The following IFT80 variants were observed in gnomAD, a reference collection of about 807,000 sequenced individuals.
The protein encoded by IFT80 is intraflagellar transport protein 80 homolog.
In IFT80, 79 loss-of-function variants were observed where a neutral mutation model predicts 107.9. The observed-to-expected ratio is 0.73, with a 90% CI of 0.61 to 0.88. IFT80 has a LOEUF of 0.88. IFT80 is among the 40% of genes least tolerant of loss of function. The pLI is 0.00. For missense variants in IFT80, 797 were observed against 914.2 expected, an observed-to-expected ratio of 0.87 and a Z score of 1.65; for synonymous variants, 299 against 300.9, an observed-to-expected ratio of 0.99 and a Z score of 0.07.
intron 8 of IFT80, among the ~76,000 whole-genome samples, chr3:160,330,987 A>G (rs1203105535): frequency 1.3e-5 from 2 of 152,092 alleles, no homozygotes; most frequent in Non-Finnish European, 2.9e-5. Context: ...GAACAGATTT[A>G]TTTTTCCTCC....
At chr3:160,346,275 A>G (rs1035263383) in intron 8 of IFT80, among the ~76,000 whole-genome samples, 1 of 152,210 alleles carries the variant, frequency 6.6e-6, no homozygotes, top group Admixed American at 6.5e-5. Flanking sequence ...CACTACAAAA[A>G]ATGTTATGTA....
rs1715818934 is a variant in IFT80, at chr3:160,294,454, C to A, written c.1315+6429G>T. Among the ~76,000 whole-genome samples, 4 of 152,302 alleles carry A rather than the reference C, an allele frequency of 2.6e-5. No individual in the cohort carries two copies. The South Asian group carries it at 8.3e-4, about 32-fold the overall frequency. ...CAGGCTGGTCTCAAACTCCTGAGCT[C>A]AAGTGATCCACCCATCTTGGCCTCC... is the stretch of plus-strand genomic sequence containing the variant. On this transcript the variant is annotated intron_variant, in intron 12 of 19. Transcript: ENST00000326448.
intron 19 of IFT80, among the ~76,000 whole-genome samples, chr3:160,259,721 G>A (rs1712667538): frequency 6.6e-6 from 1 of 152,164 alleles, no homozygotes; most frequent in Admixed American, 6.5e-5. Flanking sequence ...CTCTGCCCCT[G>A]AGTTCTATGA....
chr3:160,339,245 A>G (rs886857192), intron 8 of IFT80, among the ~76,000 whole-genome samples: 3 of 152,200 alleles, frequency 2.0e-5, no homozygotes, highest in Admixed American at 6.6e-5. Flanking sequence ...AGCTATTTTT[A>G]TAGAAATTAT....
chr3:160,280,553 T>C, intron 15 of IFT80, 114 bp downstream of exon 15: 1 of 844,522 alleles, frequency 1.2e-6, no homozygotes, highest in Non-Finnish European at 1.9e-6. Context: ...TATTCATCAA[T>C]AAATCTGACT....
chr3:160,295,271 T>C (rs999290111), intron 12 of IFT80, among the ~76,000 whole-genome samples: 1 of 152,154 alleles, frequency 6.6e-6, no homozygotes, highest in East Asian at 1.9e-4. Flanking sequence ...GAATGCAAAA[T>C]AGTACAGCCA....
chr3:160,278,806 G>T (rs992045155), intron 16 of IFT80, among the ~76,000 whole-genome samples: 1 of 151,970 alleles, frequency 6.6e-6, no homozygotes, highest in South Asian at 2.1e-4. Flanking sequence ...TTGGAAAAAG[G>T]CTGATCGAAA....
intron 8 of IFT80, among the ~76,000 whole-genome samples, chr3:160,340,848 C>A (rs961954216): frequency 6.6e-6 from 1 of 152,128 alleles, no homozygotes; most frequent in Non-Finnish European, 1.5e-5. Context: ...TTCACAGGTT[C>A]TGGGGATTAG....
chr3:160,315,129 T>A (rs1717718170), intron 9 of IFT80, among the ~76,000 whole-genome samples: 1 of 145,660 alleles, frequency 6.9e-6, no homozygotes, highest in African/African-American at 2.5e-5. Flanking sequence ...AGGGAGGGTA[T>A]GGTCACATTC....
intron 2 of IFT80, chr3:160,383,498 G>T: frequency 2.2e-6 from 2 of 899,006 alleles, no homozygotes; most frequent in Non-Finnish European, 2.7e-6. Flanking sequence ...TGAAGGACCA[G>T]ATTTTTCTTT....
chr3:160,378,917 A>T (rs1393145050), intron 3 of IFT80, among the ~76,000 whole-genome samples: 1 of 152,146 alleles, frequency 6.6e-6, no homozygotes, highest in Non-Finnish European at 1.5e-5. Context: ...GTAATAAATG[A>T]CTCAGCCAAG....
intron 5 of IFT80, among the ~76,000 whole-genome samples, chr3:160,375,008 T>C (rs1711890609): frequency 6.6e-6 from 1 of 152,148 alleles, no homozygotes; most frequent in Non-Finnish European, 1.5e-5. Context: ...TTGAACCTTA[T>C]CCTAAAAGTA....
At chr3:160,353,206 G>A (rs973873291) in intron 8 of IFT80, among the ~76,000 whole-genome samples, 2 of 152,012 alleles carry the variant, frequency 1.3e-5, no homozygotes, top group African/African-American at 4.8e-5. Context: ...ATACTACCAT[G>A]TTACTACACA....
chr3:160,280,916 G>T, intron 14 of IFT80, 102 bp from the exon 15 acceptor site: 1 of 1,001,036 alleles, frequency 1.0e-6, no homozygotes, highest in Non-Finnish European at 1.5e-6. Flanking sequence ...ACAATTTCTG[G>T]TAGATATGAC....
chr3:160,286,849 C>T (rs1715131069), intron 12 of IFT80, among the ~76,000 whole-genome samples: 2 of 151,832 alleles, frequency 1.3e-5, no homozygotes, highest in Admixed American at 1.3e-4. Flanking sequence ...GGTCTTTGTC[C>T]TGGAGCTTCA....
intron 8 of IFT80, among the ~76,000 whole-genome samples, chr3:160,327,914 G>A (rs921893963): frequency 5.3e-5 from 8 of 151,988 alleles, no homozygotes; most frequent in African/African-American, 1.9e-4. Flanking sequence ...CTACAGAATG[G>A]GAGAAAATTT....
chr3:160,320,710 T>C (rs1053799699), intron 8 of IFT80, among the ~76,000 whole-genome samples: 1 of 151,902 alleles, frequency 6.6e-6, no homozygotes, highest in Non-Finnish European at 1.5e-5. Flanking sequence ...CCTTACAGCG[T>C]ATAATCACAG....
chr3:160,396,582 T>A (rs1440318570), intron 1 of IFT80, among the ~76,000 whole-genome samples: 4 of 152,280 alleles, frequency 2.6e-5, no homozygotes, highest in African/African-American at 9.6e-5. Flanking sequence ...GGGTATAATT[T>A]TTTTCTAATG....
At chr3:160,343,733 C>T (rs895518218) in intron 8 of IFT80, 3 of 281,962 alleles carry the variant, frequency 1.1e-5, no homozygotes, top group African/African-American at 4.6e-5. Flanking sequence ...CTCCTTCGCC[C>T]AGCTTAATTT....
Sources: allele counts gnomAD v4.1 joint callset (sites outside exome capture counted in the v4.1 genomes callset), GRCh38; gene constraint gnomAD v4.1.1; transcripts MANE v1.5; gene names NCBI Gene and HGNC (gene_info 2026-07-23, HGNC 2026-07-21).